Variants in SMC5 observed in about 807,000 individuals in gnomAD.
The protein encoded by SMC5 is structural maintenance of chromosomes 5.
SMC5 carries 88 observed loss-of-function variants against 148.3 expected under a neutral mutation model. The ratio of observed to expected loss-of-function variants is 0.59; its 90% CI spans 0.50 to 0.71. SMC5 has a LOEUF of 0.71. Among genes scored for constraint, SMC5 ranks in the 30% least tolerant of loss-of-function variants. The pLI is 0.00. For missense variants in SMC5, 1,142 were observed against 1,298.9 expected (o/e 0.88, Z 1.86); for synonymous variants, 421 against 432.8 (o/e 0.97, Z 0.34).
chr9:70,265,414 G>A (rs1011358451), intron 2 of SMC5, among the ~76,000 whole-genome samples: 3 of 152,078 alleles, frequency 2.0e-5, no homozygotes, highest in Admixed American at 6.6e-5. Context: ...AGCCAAGATC[G>A]CACCATTGCA....
At chr9:70,303,267 G>A (rs759951830) in intron 10 of SMC5, among the ~76,000 whole-genome samples, 6 of 151,640 alleles carry the variant, frequency 4.0e-5, no homozygotes, top group Admixed American at 6.6e-5. Context: ...CTGGGAGAAC[G>A]TGATCATGAG....
At chr9:70,317,989 A>G (rs2035848096) in intron 13 of SMC5, among the ~76,000 whole-genome samples, 1 of 140,556 alleles carries the variant, frequency 7.1e-6, no homozygotes, top group South Asian at 2.3e-4. Flanking sequence ...AGATGTAACA[A>G]AGCTCCAAAA....
intron 17 of SMC5, among the ~76,000 whole-genome samples, chr9:70,329,496 A>G (rs577312981): frequency 7.8e-4 from 119 of 152,302 alleles, no homozygotes; most frequent in Middle Eastern, 3.4e-3. Flanking sequence ...CTGCTAAAAC[A>G]TAGCAAGAGT....
At position 70,326,693 on chromosome 9, in the gene SMC5, C is replaced by T. The variant is rs188346421; in HGVS notation, c.2397+2550C>T. ...CTAAATAGATCTTATATTTTTTCCA[C>T]TTTGGAACCATCTGCCAGCAAAACT... On this transcript the variant is annotated intron_variant, in intron 17 of 24. Coordinates refer to ENST00000361138, the MANE Select transcript of SMC5 (RefSeq NM_015110.4). 3.4e-5 allele frequency among the ~76,000 whole-genome samples: 5 copies of T among 148,104 alleles called. No individual in the cohort carries two copies. The Admixed American group carries it at 3.4e-4, about 10-fold the overall frequency.
Position 70,353,491 on chromosome 9 carries a change from C to A in SMC5, c.*1160C>A, listed in dbSNP as rs1047528625. The A allele has an allele frequency of 2.0e-5, 3 of 152,132 alleles. No homozygotes were observed. The highest frequency in any genetic ancestry group is 4.4e-5 in the Non-Finnish European group (3 of 67,992). The allele number at this position is 152,132 out of a possible 1,614,324, so 9.4% of individuals were successfully genotyped here. On this transcript the variant is annotated 3_prime_UTR_variant, in exon 25 of 25. Transcript: ENST00000361138. ...GAAAATAGACAGTCCAAAGTCATGT[C>A]TTTGAACAGTGGATTGGATCTGTGC...
At chr9:70,347,266 C>A in intron 20 of SMC5, 105 bp downstream of exon 20, 1 of 800,654 alleles carries the variant, frequency 1.2e-6, no homozygotes. Flanking sequence ...GCCTCCCACT[C>A]TGTACTAGAG....
intron 17 of SMC5, among the ~76,000 whole-genome samples, chr9:70,338,216 G>T (rs1223407183): frequency 6.6e-6 from 1 of 151,930 alleles, no homozygotes. Context: ...TCACTATGTT[G>T]CCCTGGCTGG....
At chr9:70,286,314 C>T (rs778555275) in intron 8 of SMC5, 43 bp downstream of exon 8, 5 of 1,299,146 alleles carry the variant, frequency 3.8e-6, no homozygotes, top group Non-Finnish European at 5.5e-6. Flanking sequence ...AAAGTTTGCT[C>T]TAACTTTTGT....
intron 11 of SMC5, among the ~76,000 whole-genome samples, chr9:70,310,483 G>C (rs2035628159): frequency 6.6e-6 from 1 of 152,136 alleles, no homozygotes; most frequent in Admixed American, 6.5e-5. Flanking sequence ...TAGATGTGCT[G>C]TCATCCAGGC....
chr9:70,264,268 A>G (rs779747167), intron 1 of SMC5, 36 bp from the exon 2 acceptor site: 2 of 1,576,256 alleles, frequency 1.3e-6, no homozygotes, highest in South Asian at 2.4e-5. Flanking sequence ...GTGGTTTTGT[A>G]TCTCTCCTTA....
chr9:70,335,821 A>G (rs2036340881), intron 17 of SMC5, among the ~76,000 whole-genome samples: 1 of 152,188 alleles, frequency 6.6e-6, no homozygotes, highest in African/African-American at 2.4e-5. Flanking sequence ...TAGGGAAGAA[A>G]ACTGAAATGA....
rs2034009021 is a variant in SMC5 at position 70,259,126 on chromosome 9, C to T, written c.48C>T (p.Ser16=). The change falls in exon 1 of 25, where the codon TCC becomes TCT. Residue 16 remains serine (S), a synonymous_variant. Transcript: ENST00000361138. ...CGTCAACTCCAAGCCCCCAGCCTTC[C>T]AAGAGAGCTCTCCCGAGAGACCCTT... ...KKTSTPSPQP[S]KRALPRDPSS... 6.2e-7 allele frequency: 1 copy of T among 1,612,506 alleles called. No homozygotes were observed. Among genetic ancestry groups the T allele is most frequent in the Non-Finnish European group, 8.5e-7 (1 of 1,179,348 alleles).
At chr9:70,268,779 T>C (rs2118018047) in intron 3 of SMC5, among the ~76,000 whole-genome samples, 1 of 152,322 alleles carries the variant, frequency 6.6e-6, no homozygotes. Flanking sequence ...TTGGTACTTC[T>C]GTCACCATTT....
intron 21 of SMC5, 69 bp from the exon 22 acceptor site, chr9:70,347,849 CA>C: frequency 2.1e-6 from 3 of 1,425,362 alleles, no homozygotes; most frequent in Non-Finnish European, 2.9e-6. Flanking sequence ...ATAAAATTTA[CA>C]TAAAATTGTG....
intron 18 of SMC5, among the ~76,000 whole-genome samples, chr9:70,345,641 A>G (rs2118825767): frequency 6.6e-6 from 1 of 152,104 alleles, no homozygotes; most frequent in South Asian, 2.1e-4. Context: ...GGGGTTAAAA[A>G]TTATCCAAGC....
rs1170823733 is a variant in SMC5, at chr9:70,324,071, T to C, written c.2325T>C (p.Thr775=). Residue 775 remains threonine (T), a synonymous_variant, in exon 17 of 25, where the codon ACT becomes ACC. Transcript: ENST00000361138. ...IQKVDLILQN[T]TVISEKNKLE... is the part of the protein sequence containing the mutation. Reference sequence around the variant, plus strand: ...AAGTAGATTTAATTCTCCAAAATACTACAGTGATCTCTGAGAAGAACAAAT... The same window carrying C: ...AAGTAGATTTAATTCTCCAAAATACCACAGTGATCTCTGAGAAGAACAAAT... The C allele has an allele frequency of 1.9e-6, 3 of 1,599,316 alleles. No homozygotes were observed. The highest frequency in any genetic ancestry group is 1.8e-5 in the Admixed American group (1 of 55,484).
At chr9:70,269,531 TG>T (rs2034387675) in intron 3 of SMC5, among the ~76,000 whole-genome samples, 1 of 152,058 alleles carries the variant, frequency 6.6e-6, no homozygotes. Flanking sequence ...TAGTGAGCCA[TG>T]ATTGTGCCAC....
chr9:70,334,719 T>A (rs1473936301), intron 17 of SMC5, among the ~76,000 whole-genome samples: 1 of 152,120 alleles, frequency 6.6e-6, no homozygotes, highest in East Asian at 1.9e-4. Flanking sequence ...TGCTGACCCC[T>A]GATGGATGCT....
At chr9:70,289,827 G>A (rs1411701987) in intron 8 of SMC5, among the ~76,000 whole-genome samples, 2 of 151,548 alleles carry the variant, frequency 1.3e-5, no homozygotes, top group Admixed American at 1.3e-4. Context: ...TTCTCTTCCT[G>A]TAATCCCATG....
Sources: gnomAD v4.1 joint callset for allele counts (sites outside exome capture counted in the v4.1 genomes callset) on GRCh38, gnomAD v4.1.1 for gene constraint, MANE v1.5 for transcripts, NCBI Gene and HGNC (gene_info 2026-07-23, HGNC 2026-07-21) for gene names.